OLFM3: variants seen among roughly 807,000 people sequenced by gnomAD.
OLFM3 encodes the protein olfactomedin 3.
A neutral mutation model predicts 48.6 loss-of-function variants in OLFM3; 20 were observed. The ratio of observed to expected loss-of-function variants is 0.41; its 90% CI spans 0.29 to 0.60. The LOEUF is 0.60. OLFM3 is among the 20% of genes least tolerant of loss of function. The pLI, the probability that OLFM3 is intolerant of heterozygous loss-of-function variation, is 0.28. For synonymous variants in OLFM3, 222 were observed against 198.1 expected, an observed-to-expected ratio of 1.12 and a Z score of -1.01; for missense variants, 437 against 544.3, an observed-to-expected ratio of 0.80 and a Z score of 1.96.
intron 4 of OLFM3, among the ~76,000 whole-genome samples, chr1:101,823,994 T>G (rs1039936330): frequency 1.3e-5 from 2 of 150,146 alleles, no homozygotes; most frequent in African/African-American, 2.4e-5. Flanking sequence ...TTTTTATCAC[T>G]TGAAGCATAT....
At chr1:101,974,900 T>G (rs775421032) in intron 1 of OLFM3, among the ~76,000 whole-genome samples, 6 of 152,190 alleles carry the variant, frequency 3.9e-5, no homozygotes, top group African/African-American at 7.2e-5. Flanking sequence ...AAACATTTTT[T>G]TTGTTGTTGT....
At chr1:101,823,078 G>C (rs1654685044) in intron 4 of OLFM3, among the ~76,000 whole-genome samples, 2 of 151,948 alleles carry the variant, frequency 1.3e-5, no homozygotes, top group Non-Finnish European at 2.9e-5. Context: ...ACTCCTTATA[G>C]AGTAAATTTA....
chr1:101,875,305 T>C (rs1657254240), intron 1 of OLFM3, among the ~76,000 whole-genome samples: 1 of 151,998 alleles, frequency 6.6e-6, no homozygotes, highest in Non-Finnish European at 1.5e-5. Context: ...CCAAAATCCA[T>C]AGAATGTACA....
Position 101,870,342 on chromosome 1 carries a change from G to T in OLFM3, c.70-33317C>A, listed in dbSNP as rs530077374. Among the ~76,000 whole-genome samples the T allele has an allele frequency of 1.7e-3, 259 of 152,090 alleles. 1 individual carries two copies. The highest frequency in any genetic ancestry group is 2.9e-3 in the Non-Finnish European group (195 of 67,978). On this transcript the variant is annotated intron_variant, in intron 1 of 5. Transcript: ENST00000370103. ...ACCTTTCTCCCTCATAATGTTCCCA[G>T]ACAGTTTTAGCTACAGTGCATGGCA...
intron 1 of OLFM3, among the ~76,000 whole-genome samples, chr1:101,900,456 T>C (rs1305355761): frequency 1.3e-5 from 2 of 152,144 alleles, no homozygotes; most frequent in Non-Finnish European, 2.9e-5. Flanking sequence ...TATCAATCTG[T>C]ACATATATTT....
chr1:101,821,394 C>G (rs1487527731), intron 4 of OLFM3, among the ~76,000 whole-genome samples: 2 of 151,950 alleles, frequency 1.3e-5, no homozygotes, highest in African/African-American at 4.8e-5. Context: ...CATCTTCTTT[C>G]AAGTAGAGTG....
intron 1 of OLFM3, among the ~76,000 whole-genome samples, chr1:101,879,619 A>G (rs1657440434): frequency 6.6e-6 from 1 of 151,862 alleles, no homozygotes; most frequent in South Asian, 2.1e-4. Context: ...TAATTCACTT[A>G]ATATAAGTGG....
chr1:101,898,383 C>T (rs1233888821), intron 1 of OLFM3, among the ~76,000 whole-genome samples: 2 of 152,146 alleles, frequency 1.3e-5, no homozygotes, highest in Non-Finnish European at 1.5e-5. Context: ...ATTCCAAACG[C>T]ATACAGCTTT....
chr1:101,917,936 G>A (rs1278589568), intron 1 of OLFM3, among the ~76,000 whole-genome samples: 1 of 151,926 alleles, frequency 6.6e-6, no homozygotes, highest in Admixed American at 6.6e-5. Flanking sequence ...TAATTATTGA[G>A]GTTTTCTTTT....
chr1:101,875,510 G>A (rs146246852), intron 1 of OLFM3, among the ~76,000 whole-genome samples: 72 of 151,954 alleles, frequency 4.7e-4, no homozygotes, highest in African/African-American at 1.4e-3. Flanking sequence ...ACTACTTTCC[G>A]CTCTTTTTTT....
Position 101,825,176 on chromosome 1 carries a change from T to A in OLFM3, c.442A>T (p.Lys148Ter). 6.2e-7 allele frequency: 1 copy of A among 1,614,010 alleles called. No homozygotes were observed. Among genetic ancestry groups the A allele is most frequent in the South Asian group, 1.1e-5 (1 of 91,076 alleles). ...TCCTCCTTGAACTGGGTGATTAACT[T>A]AGCATCTGTTTTGTACTGTTCCAGC... ...PVLEQYKTDAKLITQFKEEIR... is the reference protein window; with the variant it reads ...PVLEQYKTDA Residue 148 changes from lysine to a stop codon, truncating the protein, a stop_gained, in exon 4 of 6, where the codon AAG (lysine) becomes TAG (stop). Transcript: ENST00000370103. LOFTEE classifies it high-confidence loss of function.
Position 101,842,785 on chromosome 1 carries a change from C to G in OLFM3, c.70-5760G>C, listed in dbSNP as rs554554920. 2.6e-5 allele frequency among the ~76,000 whole-genome samples: 4 copies of G among 152,328 alleles called. No individual in the cohort carries two copies. In the East Asian group the frequency reaches 5.8e-4, roughly 22 times the overall value. On this transcript the variant is annotated intron_variant, in intron 1 of 5. Coordinates refer to ENST00000370103, the MANE Select transcript of OLFM3 (RefSeq NM_058170.4). ...CAGGGGGCATGAGCCGAACTCCTCT[C>G]TCTGCAGTTTTCCTTCTTTGGCCCT... is the stretch of plus-strand genomic sequence containing the variant.
chr1:101,817,335 G>T (rs1327583186), intron 4 of OLFM3, among the ~76,000 whole-genome samples: 1 of 152,102 alleles, frequency 6.6e-6, no homozygotes, highest in Non-Finnish European at 1.5e-5. Context: ...AGTAAGATAT[G>T]AAAACATTAG....
At chr1:101,938,619 A>G (rs1342441227) in intron 1 of OLFM3, among the ~76,000 whole-genome samples, 1 of 152,216 alleles carries the variant, frequency 6.6e-6, no homozygotes, top group Non-Finnish European at 1.5e-5. Context: ...TTGCAAGGAA[A>G]GGAGAGAAGC....
At chr1:101,893,400 A>T in intron 1 of OLFM3, 1 of 372,012 alleles carries the variant, frequency 2.7e-6, no homozygotes, top group South Asian at 2.6e-5. Flanking sequence ...AGTCCTCAAG[A>T]TAGATGTAAA....
At chr1:101,822,335 C>T (rs548476400) in intron 4 of OLFM3, among the ~76,000 whole-genome samples, 49 of 152,198 alleles carry the variant, frequency 3.2e-4, no homozygotes, top group Middle Eastern at 3.4e-3. Context: ...AACTGACATA[C>T]GTTAGGTTTC....
At chr1:101,861,553 A>G (rs1299023130) in intron 1 of OLFM3, among the ~76,000 whole-genome samples, 1 of 152,252 alleles carries the variant, frequency 6.6e-6, no homozygotes, top group African/African-American at 2.4e-5. Context: ...TGGCAGCTGA[A>G]CAAAGATAAA....
chr1:101,965,078 C>T (rs6577293), intron 1 of OLFM3, among the ~76,000 whole-genome samples: 117,806 of 152,108 alleles, frequency 0.77, 45,807 homozygotes, highest in East Asian at 0.96. Flanking sequence ...AAAATAGCAC[C>T]GACAGCAACT....
chr1:101,928,469 T>G (rs1659345484), intron 1 of OLFM3, among the ~76,000 whole-genome samples: 2 of 152,132 alleles, frequency 1.3e-5, no homozygotes, highest in Non-Finnish European at 1.5e-5. Context: ...AGAGAGTGTT[T>G]TACTGGCAGT....
Sources: gnomAD v4.1 joint callset for allele counts (sites outside exome capture counted in the v4.1 genomes callset) on GRCh38, gnomAD v4.1.1 for gene constraint, MANE v1.5 for transcripts, NCBI Gene and HGNC (gene_info 2026-07-23, HGNC 2026-07-21) for gene names.